The following ADAMTSL1 variants were observed in gnomAD, a reference collection of about 807,000 sequenced individuals.
The protein encoded by ADAMTSL1 is ADAMTS like 1.
ADAMTSL1 carries 126 observed loss-of-function variants against 201.8 expected under a neutral mutation model. The observed-to-expected ratio is 0.62, with a 90% confidence interval of 0.54 to 0.72. ADAMTSL1 has a LOEUF of 0.72. Ranked by LOEUF, ADAMTSL1 falls within the 30% of genes least tolerant of loss-of-function variation. The pLI, the probability that ADAMTSL1 is intolerant of heterozygous loss-of-function variation, is 0.00. For synonymous variants in ADAMTSL1, 1,121 were observed against 903.4 expected (o/e 1.24, Z -4.32); for missense variants, 2,679 against 2,277.8 (o/e 1.18, Z -3.59).
At chr9:18,509,531 G>A (rs138449501) in intron 2 of ADAMTSL1, among the ~76,000 whole-genome samples, 154 of 152,286 alleles carry the variant, frequency 1.0e-3, no homozygotes, top group African/African-American at 3.5e-3. Flanking sequence ...CACATATCTA[G>A]GGTTGGCTGG....
intron 4 of ADAMTSL1, among the ~76,000 whole-genome samples, chr9:18,609,885 A>C (rs932605376): frequency 6.6e-6 from 1 of 152,222 alleles, no homozygotes; most frequent in Non-Finnish European, 1.5e-5. Context: ...CCTTAGAACA[A>C]GTATATAAAA....
intron 1 of ADAMTSL1, among the ~76,000 whole-genome samples, chr9:17,940,370 G>A (rs1309068366): frequency 6.6e-6 from 1 of 152,072 alleles, no homozygotes; most frequent in Non-Finnish European, 1.5e-5. Context: ...GGAACGGAAA[G>A]GACAAACTTC....
chr9:18,789,877 C>G (rs1459785346), intron 19 of ADAMTSL1, among the ~76,000 whole-genome samples: 1 of 152,152 alleles, frequency 6.6e-6, no homozygotes, highest in Non-Finnish European at 1.5e-5. Flanking sequence ...GAGGAAGCTA[C>G]TGTTCTACAA....
intron 2 of ADAMTSL1, among the ~76,000 whole-genome samples, chr9:18,336,247 T>C (rs1299998247): frequency 6.6e-6 from 1 of 152,026 alleles, no homozygotes; most frequent in East Asian, 1.9e-4. Flanking sequence ...AAAATTTAAG[T>C]AGCTTGTAAA....
intron 2 of ADAMTSL1, among the ~76,000 whole-genome samples, chr9:18,359,235 C>A (rs1481160854): frequency 6.6e-6 from 1 of 152,084 alleles, no homozygotes; most frequent in Non-Finnish European, 1.5e-5. Flanking sequence ...ATAAAGATAT[C>A]CCCTTCCCTC....
At chr9:18,154,662 T>C (rs1827072282) in intron 1 of ADAMTSL1, among the ~76,000 whole-genome samples, 1 of 151,992 alleles carries the variant, frequency 6.6e-6, no homozygotes, top group Admixed American at 6.6e-5. Flanking sequence ...CTGATTCTCT[T>C]CCCCCGAGGA....
intron 4 of ADAMTSL1, among the ~76,000 whole-genome samples, chr9:18,611,656 G>A (rs570970218): frequency 2.0e-4 from 31 of 152,230 alleles, no homozygotes; most frequent in African/African-American, 7.2e-4. Context: ...TTCCCTTTCA[G>A]AGTGTTTATC....
At chr9:18,415,398 T>C (rs1818630254) in intron 2 of ADAMTSL1, among the ~76,000 whole-genome samples, 1 of 152,146 alleles carries the variant, frequency 6.6e-6, no homozygotes, top group African/African-American at 2.4e-5. Context: ...AAAACTTTAA[T>C]ATCCAAGAGA....
chr9:18,607,822 G>A (rs764659122), intron 4 of ADAMTSL1, among the ~76,000 whole-genome samples: 42 of 151,014 alleles, frequency 2.8e-4, no homozygotes, highest in Non-Finnish European at 4.6e-4. Flanking sequence ...GTGAGAACAT[G>A]CGGTGTTCGG....
chr9:18,158,120 A>G lies in ADAMTSL1; in HGVS notation c.88-5742A>G, dbSNP rs116350735. 8.3e-3 allele frequency among the ~76,000 whole-genome samples: 1,265 copies of G among 152,078 alleles called. 28 individuals carry two copies. The highest frequency in any genetic ancestry group is 0.029 in the African/African-American group (1,192 of 41,524). Reference sequence around the variant, plus strand: ...TGCTCTCTGTATAAATGGCCAGTTCATTGCAGAGCTGGCCAGAGGTTTGGG... The same window carrying G: ...TGCTCTCTGTATAAATGGCCAGTTCGTTGCAGAGCTGGCCAGAGGTTTGGG... On this transcript the variant is annotated intron_variant, in intron 1 of 29. Coordinates refer to the ADAMTSL1 transcript ENST00000680146.
chr9:18,711,131 G>C (rs1407147713), intron 14 of ADAMTSL1, among the ~76,000 whole-genome samples: 2 of 152,170 alleles, frequency 1.3e-5, no homozygotes, highest in African/African-American at 4.8e-5. Context: ...TTAAAAAATT[G>C]TTTGAAAATA....
chr9:18,889,550 C>A lies in ADAMTSL1; in HGVS notation c.4463-18C>A, dbSNP rs1396188458. ...TTATGCTATATTCTTTTCTACACTG[C>A]TCCTCCTCCCATGACAGATTACTGG... On this transcript the variant is annotated intron_variant, in intron 24 of 28. Coordinates refer to ENST00000380548, the MANE Select transcript of ADAMTSL1 (RefSeq NM_001040272.6). The A allele has an allele frequency of 6.2e-7, 1 of 1,612,276 alleles. No individual in the cohort carries two copies.
intron 2 of ADAMTSL1, among the ~76,000 whole-genome samples, chr9:18,247,249 C>G (rs1002702131): frequency 1.3e-5 from 2 of 152,108 alleles, no homozygotes; most frequent in African/African-American, 2.4e-5. Context: ...GCATTTATAG[C>G]TAATGTAGTC....
intron 2 of ADAMTSL1, among the ~76,000 whole-genome samples, chr9:18,272,923 T>A (rs1048936775): frequency 2.6e-5 from 4 of 152,210 alleles, no homozygotes; most frequent in Non-Finnish European, 4.4e-5. Context: ...AGAACTCATA[T>A]TAGTATATTA....
chr9:18,191,961 C>G (rs1828989332), intron 2 of ADAMTSL1, among the ~76,000 whole-genome samples: 1 of 152,036 alleles, frequency 6.6e-6, no homozygotes, highest in African/African-American at 2.4e-5. Flanking sequence ...GTAACTGGCC[C>G]TCTGATAAGT....
intron 1 of ADAMTSL1, among the ~76,000 whole-genome samples, chr9:18,485,936 C>G (rs907268043): frequency 1.3e-5 from 2 of 152,222 alleles, no homozygotes; most frequent in African/African-American, 4.8e-5. Flanking sequence ...CCAGCAGCAG[C>G]AGTAGTGATG....
chr9:18,640,344 T>A (rs777920870), intron 7 of ADAMTSL1, among the ~76,000 whole-genome samples: 9 of 152,160 alleles, frequency 5.9e-5, no homozygotes, highest in Non-Finnish European at 7.4e-5. Flanking sequence ...GTTAAATGAT[T>A]TCTGTTAAGC....
chr9:17,907,337 G>T (rs1228412226), intron 1 of ADAMTSL1, among the ~76,000 whole-genome samples: 1 of 152,162 alleles, frequency 6.6e-6, no homozygotes, highest in Non-Finnish European at 1.5e-5. Context: ...GGGGACACTC[G>T]GGTGCTGGGA....
chr9:18,647,564 C>T lies in ADAMTSL1; in HGVS notation c.834+8153C>T, dbSNP rs1827901415. Among the ~76,000 whole-genome samples, 3 of 152,076 alleles carry T rather than the reference C, an allele frequency of 2.0e-5. No individual in the cohort carries two copies. The South Asian group carries it at 6.2e-4, about 32-fold the overall frequency. ...CCTCTACACACTGCTTTGAATGTGTCCCAGAGAGTCTGGTATGTTGTGTCT... is the reference window on the plus strand; with the variant it reads ...CCTCTACACACTGCTTTGAATGTGTTCCAGAGAGTCTGGTATGTTGTGTCT... On this transcript the variant is annotated intron_variant, in intron 7 of 28. Coordinates refer to ENST00000380548, the MANE Select transcript of ADAMTSL1 (RefSeq NM_001040272.6).
Sources: allele counts gnomAD v4.1 joint callset (sites outside exome capture counted in the v4.1 genomes callset), GRCh38; gene constraint gnomAD v4.1.1; transcripts MANE v1.5; gene names NCBI Gene and HGNC (gene_info 2026-07-23, HGNC 2026-07-21).